The following RETREG3 variants were observed in gnomAD, a reference collection of about 807,000 sequenced individuals.
The protein encoded by RETREG3 is reticulophagy regulator 3.
Under a neutral mutation model 50.2 loss-of-function variants are expected in RETREG3, and 23 were observed. The observed-to-expected ratio is 0.46, with a 90% CI of 0.33 to 0.65. RETREG3 has a LOEUF of 0.65. RETREG3 is among the 30% of genes least tolerant of loss of function. RETREG3 has a pLI of 0.02. For synonymous variants in RETREG3, 240 were observed against 234.4 expected (o/e 1.02, Z -0.22); for missense variants, 546 against 598.0 (o/e 0.91, Z 0.91).
Position 42,586,861 on chromosome 17 carries a change from G to A in RETREG3, c.408C>T (p.Ser136=). 1.9e-6 allele frequency: 3 copies of A among 1,614,082 alleles called. No homozygotes were observed. Among genetic ancestry groups the A allele is most frequent in the Admixed American group, 1.7e-5 (1 of 60,022 alleles). The stretch of plus-strand genomic sequence containing the variant: ...CTACATGGTGGCAGAGCTCGGGCAC[G>A]CTGAGCAACCGAGGGTGCACAAAGC... ...SWGFVHPRLL[S]VPELCHHVAE... The change falls in exon 4 of 9, where the codon AGC becomes AGT. Residue 136 remains serine, a synonymous_variant. Coordinates refer to ENST00000309428, the MANE Select transcript of RETREG3 (RefSeq NM_178126.4).
intron 1 of RETREG3, among the ~76,000 whole-genome samples, chr17:42,604,553 C>A (rs2093164203): frequency 6.6e-6 from 1 of 151,892 alleles, no homozygotes; most frequent in South Asian, 2.1e-4. Context: ...GCCTCTAGTC[C>A]CAGCTACTTG....
chr17:42,601,582 A>AG (rs2093158651), intron 1 of RETREG3, among the ~76,000 whole-genome samples: 1 of 149,894 alleles, frequency 6.7e-6, no homozygotes, highest in South Asian at 2.1e-4. Context: ...CTCAAAAAAA[A>AG]AAAAGAAAAG....
At chr17:42,590,585 T>C (rs551567538) in intron 2 of RETREG3, among the ~76,000 whole-genome samples, 1 of 152,060 alleles carries the variant, frequency 6.6e-6, no homozygotes, top group South Asian at 2.1e-4. Flanking sequence ...GGTGGGAGAA[T>C]TGCTGGAGCC....
In RETREG3 at chr17:42,585,120, C is replaced by G; in HGVS notation, c.727+5G>C. 6.2e-7 allele frequency: 1 copy of G among 1,612,630 alleles called. No homozygotes were observed. Among genetic ancestry groups the G allele is most frequent in the Non-Finnish European group, 8.5e-7 (1 of 1,179,940 alleles). ...AAGTGGAAAGAATGACACCATGACACTTACATTGTCTCTCTCTCTGCTTGG... is the reference window on the plus strand; with the variant it reads ...AAGTGGAAAGAATGACACCATGACAGTTACATTGTCTCTCTCTCTGCTTGG... On this transcript the variant is annotated splice_donor_5th_base_variant and intron_variant, in intron 6 of 8. Coordinates refer to ENST00000309428, the MANE Select transcript of RETREG3 (RefSeq NM_178126.4).
chr17:42,608,196 G>T (rs768740391), intron 1 of RETREG3, among the ~76,000 whole-genome samples: 2 of 152,198 alleles, frequency 1.3e-5, no homozygotes, highest in Non-Finnish European at 2.9e-5. Context: ...CTATAAGTCA[G>T]TTCCCTTGGA....
chr17:42,592,132 C>T lies in RETREG3; in HGVS notation c.270G>A (p.Val90=), dbSNP rs1198560661. The T allele has an allele frequency of 6.2e-7, 1 of 1,613,762 alleles. No homozygotes were observed. Among genetic ancestry groups the T allele is most frequent in the South Asian group, 1.1e-5 (1 of 90,984 alleles). The change falls in exon 2 of 9, where the codon GTG becomes GTA. Residue 90 remains valine (V), a synonymous_variant. Coordinates refer to ENST00000309428, the MANE Select transcript of RETREG3 (RefSeq NM_178126.4). ...TCATCAAGCCAAATGCAAGTAAAAA[C>T]ACAAGACGAAGAGATGTCAGGGCAA... ...WFFALTSLRL[V]FLLAFGLMII...
chr17:42,597,555 T>TTTTTGTGTATATATATA (rs71157647), intron 1 of RETREG3, among the ~76,000 whole-genome samples: 4 of 125,032 alleles, frequency 3.2e-5, no homozygotes, highest in African/African-American at 1.2e-4. Flanking sequence ...CGTATATATA[T>TTTTTGTGTATATATATA]TTTTGTGTAT....
At chr17:42,591,895 T>A (rs889071898) in intron 2 of RETREG3, among the ~76,000 whole-genome samples, 161 bp downstream of exon 2, 3 of 152,202 alleles carry the variant, frequency 2.0e-5, no homozygotes, top group African/African-American at 7.2e-5. Context: ...GAACCATAAT[T>A]GGGGCACAAG....
At chr17:42,592,521 G>C (rs576203832) in intron 1 of RETREG3, among the ~76,000 whole-genome samples, 1 of 152,308 alleles carries the variant, frequency 6.6e-6, no homozygotes, top group South Asian at 2.1e-4. Flanking sequence ...TTAGACCCTA[G>C]TGTAGGGCAA....
At chr17:42,596,845 T>C (rs2093146165) in intron 1 of RETREG3, among the ~76,000 whole-genome samples, 1 of 150,744 alleles carries the variant, frequency 6.6e-6, no homozygotes, top group African/African-American at 2.4e-5. Flanking sequence ...TGAGGTGATC[T>C]GTCTATTAAG....
chr17:42,606,318 T>C (rs950391100), intron 1 of RETREG3, among the ~76,000 whole-genome samples: 5 of 152,164 alleles, frequency 3.3e-5, no homozygotes, highest in African/African-American at 1.2e-4. Context: ...CAACCTCACA[T>C]TCTGCTTCAG....
chr17:42,601,789 A>G (rs1190734274), intron 1 of RETREG3, among the ~76,000 whole-genome samples: 1 of 151,028 alleles, frequency 6.6e-6, no homozygotes. Flanking sequence ...ATGCGCCACC[A>G]TGCCCGGCTG....
intron 3 of RETREG3, 77 bp downstream of exon 3, chr17:42,587,757 G>A: frequency 3.2e-6 from 5 of 1,554,440 alleles, no homozygotes; most frequent in Non-Finnish European, 4.4e-6. Context: ...CAGAACATGG[G>A]GTTAACAACA....
rs1555629775 is a variant in RETREG3 at position 42,597,581 on chromosome 17, GTATATATATATATATATA to G, written c.240-5437_240-5420del. Among the ~76,000 whole-genome samples, 69 of 43,500 alleles carry G rather than the reference GTATATATATATATATATA, an allele frequency of 1.6e-3. 1 individual carries two copies. The highest frequency in any genetic ancestry group is 0.025 in the Middle Eastern group (1 of 40). The allele number at this position is 43,500 out of a possible 152,430, so 28.5% of individuals were successfully genotyped here. ...TTTTGTGTATATATATATTTTGTGT[GTATATATATATATATATA>G]TATATATATATATATATATATTTTT... On this transcript the variant is annotated intron_variant, in intron 1 of 8. Coordinates refer to ENST00000309428, the MANE Select transcript of RETREG3 (RefSeq NM_178126.4).
chr17:42,588,971 TAA>T (rs1489469438), intron 2 of RETREG3, among the ~76,000 whole-genome samples: 1 of 152,066 alleles, frequency 6.6e-6, no homozygotes, highest in Non-Finnish European at 1.5e-5. Flanking sequence ...CTGTTCTCTT[TAA>T]AAAGAGACCC....
chr17:42,588,135 G>A (rs1423066861), intron 2 of RETREG3, among the ~76,000 whole-genome samples: 4 of 152,170 alleles, frequency 2.6e-5, no homozygotes, highest in African/African-American at 9.7e-5. Context: ...TGAAAGCCAA[G>A]GTGTACAAGA....
intron 2 of RETREG3, among the ~76,000 whole-genome samples, chr17:42,588,934 A>T (rs1400615086): frequency 2.6e-5 from 4 of 152,142 alleles, no homozygotes; most frequent in African/African-American, 9.7e-5. Flanking sequence ...CTGGAATTAC[A>T]GGTGTGAGCC....
intron 1 of RETREG3, among the ~76,000 whole-genome samples, chr17:42,602,045 C>T (rs182218691): frequency 8.7e-4 from 132 of 152,064 alleles, no homozygotes; most frequent in African/African-American, 2.6e-3. Flanking sequence ...GGTCGGGCAC[C>T]GTAGCTCACA....
intron 1 of RETREG3, chr17:42,598,948 A>G (rs2093153331): frequency 6.6e-6 from 1 of 152,114 alleles, no homozygotes. Context: ...AGTTTATTAT[A>G]AGGGATATGT....
Sources: gnomAD v4.1 joint callset for allele counts (sites outside exome capture counted in the v4.1 genomes callset) on GRCh38, gnomAD v4.1.1 for gene constraint, MANE v1.5 for transcripts, NCBI Gene and HGNC (gene_info 2026-07-23, HGNC 2026-07-21) for gene names.